NOP14: variants seen among roughly 807,000 people sequenced by gnomAD.
The protein encoded by NOP14 is NOP14 nucleolar protein.
Under a neutral mutation model 101.6 loss-of-function variants are expected in NOP14, and 57 were observed. The observed-to-expected ratio is 0.56, with a 90% CI of 0.45 to 0.70. The LOEUF is 0.70. NOP14 is among the 30% of genes least tolerant of loss of function. The probability of loss-of-function intolerance (pLI) is 0.00; values close to 1 mark genes in which losing one functional copy is unlikely to be tolerated. For synonymous variants in NOP14, 428 were observed against 424.0 expected, an observed-to-expected ratio of 1.01 and a Z score of -0.12; for missense variants, 1,134 against 1,075.5, an observed-to-expected ratio of 1.05 and a Z score of -0.76.
rs751335042 is a variant in NOP14, at chr4:2,944,221, G to A, written c.1743C>T (p.Pro581=). 1.7e-5 allele frequency: 27 copies of A among 1,611,474 alleles called. No individual in the cohort carries two copies. Among genetic ancestry groups the A allele is most frequent in the African/African-American group, 5.4e-5 (4 of 74,748 alleles). The change falls in exon 13 of 18, where the codon CCC becomes CCT. Residue 581 remains proline (P), a synonymous_variant. Coordinates refer to ENST00000416614, the MANE Select transcript of NOP14 (RefSeq NM_001291978.2). Reference sequence around the variant, plus strand: ...TCACCACGTCCTGGAGGGACAGGATGGGGCACTGGAAAGGAACATATGGGG... The same window carrying A: ...TCACCACGTCCTGGAGGGACAGGATAGGGCACTGGAAAGGAACATATGGGG... ...VCLSQLLTKC[P]ILSLQDVVKG...
chr4:2,942,868 G>A (rs966184850), intron 13 of NOP14, among the ~76,000 whole-genome samples: 3 of 152,186 alleles, frequency 2.0e-5, no homozygotes, highest in East Asian at 1.9e-4. Flanking sequence ...CACTCGCCAC[G>A]GAGAAGGGCA....
chr4:2,938,248 T>G lies in NOP14; in HGVS notation c.*583A>C. 7.8e-7 allele frequency: 1 copy of G among 1,288,740 alleles called. No homozygotes were observed. Among genetic ancestry groups the G allele is most frequent in the Non-Finnish European group, 1.0e-6 (1 of 988,356 alleles). The allele number at this position is 1,288,740 out of a possible 1,614,324, so 79.8% of individuals were successfully genotyped here. A position where few individuals can be genotyped will look rare whatever the true frequency, so the allele number is the denominator to read the frequency against. ...ATTACTCTAAAAAAAATTACTTTTT[T>G]GGCTGGGTGCTGTGGCTCACACCTA... On this transcript the variant is annotated 3_prime_UTR_variant, in exon 18 of 18. Coordinates refer to ENST00000416614, the MANE Select transcript of NOP14 (RefSeq NM_001291978.2).
intron 2 of NOP14, among the ~76,000 whole-genome samples, chr4:2,957,295 C>T (rs550560824): frequency 1.3e-5 from 2 of 152,226 alleles, no homozygotes; most frequent in East Asian, 1.9e-4. Flanking sequence ...CCACCGCGCC[C>T]GGCCTCATGG....
At chr4:2,961,748 T>A (rs1234233186) in intron 1 of NOP14, 1 of 152,274 alleles carries the variant, frequency 6.6e-6, no homozygotes, top group Non-Finnish European at 1.5e-5. Flanking sequence ...CTTTCCTAAC[T>A]ATTACACTTT....
chr4:2,939,227 T>C lies in NOP14; in HGVS notation c.2435A>G (p.Gln812Arg). 1 of 1,613,994 alleles carries C rather than the reference T, an allele frequency of 6.2e-7. No homozygotes were observed. The highest frequency in any genetic ancestry group is 8.5e-7 in the Non-Finnish European group (1 of 1,180,026). Residue 812 changes from glutamine (Q) to arginine (R), a missense_variant, in exon 17 of 18, where the codon CAG becomes CGG. Physicochemically the swap from Gln to Arg is conservative, Grantham distance 43 (BLOSUM62 1). Transcript: ENST00000416614. ...TGAGAGTTGCATCCTCGCCAGGAACTGATTGTCCTTGCGGATTTCTCGAAC... is the reference window on the plus strand; with the variant it reads ...TGAGAGTTGCATCCTCGCCAGGAACCGATTGTCCTTGCGGATTTCTCGAAC... Reference protein sequence around the residue: ...GAVREIRKDNQFLARMQLSEI... With the variant: ...GAVREIRKDNRFLARMQLSEI...
intron 7 of NOP14, 120 bp from the exon 8 acceptor site, chr4:2,950,333 A>C: frequency 9.3e-7 from 1 of 1,072,888 alleles, no homozygotes; most frequent in Non-Finnish European, 1.4e-6. Flanking sequence ...AAGGAACACA[A>C]ACCTGTGTGC....
intron 14 of NOP14, 165 bp downstream of exon 14, chr4:2,942,027 A>G: frequency 8.8e-6 from 6 of 683,772 alleles, no homozygotes; most frequent in Non-Finnish European, 1.5e-5. Flanking sequence ...GAAAAGAAAA[A>G]GGGACAGCAA....
At chr4:2,957,461 C>G in intron 2 of NOP14, 145 bp downstream of exon 2, 1 of 929,618 alleles carries the variant, frequency 1.1e-6, no homozygotes, top group South Asian at 1.7e-5. Flanking sequence ...TTGGCCTAGC[C>G]AGATAAGGCA....
rs539881873 is a variant in NOP14, at chr4:2,939,742, A to G, written c.2200-97T>C. 5.4e-6 allele frequency: 5 copies of G among 919,302 alleles called. No individual in the cohort carries two copies. In the East Asian group the frequency reaches 1.2e-4, roughly 22 times the overall value. The allele number at this position is 919,302 out of a possible 1,614,324, so 56.9% of individuals were successfully genotyped here. On this transcript the variant is annotated intron_variant, in intron 15 of 17. Transcript: ENST00000416614. Reference sequence around the variant, plus strand: ...TGTGGTGTCAAGGCAGCGTGAGGACAGTGCTGCGAGCTCCCTGCAGCAGGA... The same window carrying G: ...TGTGGTGTCAAGGCAGCGTGAGGACGGTGCTGCGAGCTCCCTGCAGCAGGA...
chr4:2,962,478 T>C (rs1013757874), intron 1 of NOP14, among the ~76,000 whole-genome samples: 1 of 152,126 alleles, frequency 6.6e-6, no homozygotes, highest in African/African-American at 2.4e-5. Context: ...TTTACCTTTA[T>C]CTCCCCGAAC....
Position 2,954,530 on chromosome 4 carries a change from C to T in NOP14, c.506G>A (p.Gly169Asp). Residue 169 changes from glycine (G) to aspartate (D), a missense_variant, in exon 4 of 18, where the codon GGT becomes GAT. Physicochemically the swap from Gly to Asp is moderately conservative, Grantham distance 94. Coordinates refer to ENST00000416614, the MANE Select transcript of NOP14 (RefSeq NM_001291978.2). ...TTGAGTCTTCTTGTGAAGGAGCCCA[C>T]CGCCTCCTCCAAAGTGGGCAGCAGT... ...ELTAAHFGGG[G>D]GLLHKKTQQE... The T allele has an allele frequency of 6.2e-7, 1 of 1,614,164 alleles. No individual in the cohort carries two copies. The highest frequency in any genetic ancestry group is 8.5e-7 in the Non-Finnish European group (1 of 1,180,022).
Position 2,938,602 on chromosome 4 carries a change from C to G in NOP14, c.*229G>C. On this transcript the variant is annotated 3_prime_UTR_variant, in exon 18 of 18. Transcript: ENST00000416614. Reference sequence around the variant, plus strand: ...CGGCTCACTGTAACCTTGGACTCAGCTCAAGCAGTCCTCCTGCTTCAGCCT... The same window carrying G: ...CGGCTCACTGTAACCTTGGACTCAGGTCAAGCAGTCCTCCTGCTTCAGCCT... 2 of 537,826 alleles carry G rather than the reference C, an allele frequency of 3.7e-6. No homozygotes were observed. The highest frequency in any genetic ancestry group is 4.3e-5 in the South Asian group (2 of 46,160). 33.3% of individuals were successfully genotyped at this position (537,826 alleles called of 1,614,324 possible). A position where few individuals can be genotyped will look rare whatever the true frequency, so the allele number is the denominator to read the frequency against.
chr4:2,961,087 A>ATAT lies in NOP14; in HGVS notation c.195+2037_195+2038insATA, dbSNP rs1180550280. ...ATTATATTAATACTATATTAATATT[A>ATAT]TAATAATATATTAATATTTTAATAA... On this transcript the variant is annotated intron_variant, in intron 1 of 17. Coordinates refer to ENST00000416614, the MANE Select transcript of NOP14 (RefSeq NM_001291978.2). Among the ~76,000 whole-genome samples, 4 of 97,152 alleles carry ATAT rather than the reference A, an allele frequency of 4.1e-5. No homozygotes were observed. In the Admixed American group the frequency reaches 4.6e-4, roughly 11 times the overall value. 63.7% of individuals were successfully genotyped at this position (97,152 alleles called of 152,430 possible).
Position 2,957,459 on chromosome 4 carries a change from G to A in NOP14, c.330+147C>T, listed in dbSNP as rs760798082. On this transcript the variant is annotated intron_variant, in intron 2 of 17. Coordinates refer to ENST00000416614, the MANE Select transcript of NOP14 (RefSeq NM_001291978.2). ...AAGAGGTTGCTTCTCCTTTGGCCTAGCCAGATAAGGCACAGGATTCGAGGG... is the reference window on the plus strand; with the variant it reads ...AAGAGGTTGCTTCTCCTTTGGCCTAACCAGATAAGGCACAGGATTCGAGGG... The A allele has an allele frequency of 6.6e-6, 6 of 908,388 alleles. No individual in the cohort carries two copies. The African/African-American group carries it at 8.3e-5, about 13-fold the overall frequency. 56.3% of individuals were successfully genotyped at this position (908,388 alleles called of 1,614,324 possible). A position where few individuals can be genotyped will look rare whatever the true frequency, so the allele number is the denominator to read the frequency against.
rs1286683090 is a variant in NOP14, at chr4:2,938,891, G to T, written c.2514C>A (p.Asn838Lys). 1 of 1,614,052 alleles carries T rather than the reference G, an allele frequency of 6.2e-7. No individual in the cohort carries two copies. Among genetic ancestry groups the T allele is most frequent in the Non-Finnish European group, 8.5e-7 (1 of 1,180,014 alleles). Residue 838 changes from asparagine (N) to lysine (K), a missense_variant, in exon 18 of 18, where the codon AAC becomes AAA. Physicochemically the swap from Asn to Lys is moderately conservative, Grantham distance 94. Transcript: ENST00000416614. Reference sequence around the variant, plus strand: ...ATTCGCCTTCCTGTGTAGCCAGGCTGTTAAAAAGCTGCTTTACTTTCCGCT... The same window carrying T: ...ATTCGCCTTCCTGTGTAGCCAGGCTTTTAAAAAGCTGCTTTACTTTCCGCT... ...ERKRKVKQLF[N>K]SLATQEGEWK...
rs1338573999 is a variant in NOP14, at chr4:2,956,805, G to C, written c.337C>G (p.His113Asp). Residue 113 changes from histidine to aspartate, a missense_variant, in exon 3 of 18, where the codon CAT (histidine) becomes GAT (aspartate). By Grantham distance (81) the His-to-Asp change is moderately conservative. Transcript: ENST00000416614. ...AGATTGTAGATGCTTTTTTTCTCAT[G>C]ATGTCGCTGACAGAAGAGAAAAAAA... is the stretch of plus-strand genomic sequence containing the variant. The part of the protein sequence containing the change: ...KRFALEQQRH[H>D]EKKSIYNLNE... 1 of 1,593,326 alleles carries C rather than the reference G, an allele frequency of 6.3e-7. No homozygotes were observed. Among genetic ancestry groups the C allele is most frequent in the South Asian group, 1.1e-5 (1 of 86,960 alleles).
At chr4:2,942,166 C>T (rs1714251446) in intron 14 of NOP14, 26 bp downstream of exon 14, 3 of 1,606,006 alleles carry the variant, frequency 1.9e-6, no homozygotes, top group Non-Finnish European at 1.7e-6. Context: ...AGGGCACAGG[C>T]CCCAAAGCGG....
intron 3 of NOP14, 27 bp downstream of exon 3, chr4:2,956,643 G>C (rs750438134): frequency 6.3e-7 from 1 of 1,595,478 alleles, no homozygotes; most frequent in African/African-American, 1.4e-5. Flanking sequence ...CACGCCCACA[G>C]GCCCGTGCAC....
chr4:2,948,894 C>A (rs527998912), intron 8 of NOP14, among the ~76,000 whole-genome samples: 1 of 152,362 alleles, frequency 6.6e-6, no homozygotes, highest in South Asian at 2.1e-4. Context: ...GCCATCCTGA[C>A]CTGGGCTGTC....
Sources: gnomAD v4.1 joint callset for allele counts (sites outside exome capture counted in the v4.1 genomes callset) on GRCh38, gnomAD v4.1.1 for gene constraint, MANE v1.5 for transcripts, NCBI Gene and HGNC (gene_info 2026-07-23, HGNC 2026-07-21) for gene names.